PRKN: variants seen among roughly 807,000 people sequenced by gnomAD.
PRKN encodes E3 ubiquitin-protein ligase parkin.
Under a neutral mutation model 59.5 loss-of-function variants are expected in PRKN, and 56 were observed. The observed-to-expected ratio is 0.94, with a 90% CI of 0.76 to 1.18. PRKN has a LOEUF of 1.18. Among genes scored for constraint, PRKN ranks in the 50% most tolerant of loss-of-function variants. PRKN has a pLI of 0.00. For synonymous variants in PRKN, 250 were observed against 222.1 expected (o/e 1.13, Z -1.12); for missense variants, 657 against 596.4 (o/e 1.10, Z -1.06).
chr6:162,551,491 T>C (rs988468752), intron 1 of PRKN, among the ~76,000 whole-genome samples: 2 of 152,188 alleles, frequency 1.3e-5, no homozygotes, highest in Admixed American at 1.3e-4. Context: ...AAAAATAAAG[T>C]CTTGTTGCAG....
chr6:162,216,536 CAAAAAAAAAAAA>C (rs35025497), intron 3 of PRKN, among the ~76,000 whole-genome samples: 35 of 34,978 alleles, frequency 1.0e-3, no homozygotes, highest in East Asian at 5.7e-3. Flanking sequence ...GACTCCGTCT[CAAAAAAAAAAAA>C]AAAAAAAAAA....
intron 7 of PRKN, among the ~76,000 whole-genome samples, chr6:161,758,671 A>T (rs1456590179): frequency 6.6e-6 from 1 of 152,190 alleles, no homozygotes; most frequent in South Asian, 2.1e-4. Context: ...TAAAGCTGTT[A>T]AAAACAATAT....
intron 2 of PRKN, among the ~76,000 whole-genome samples, chr6:162,415,159 C>T (rs923696543): frequency 6.6e-6 from 1 of 152,122 alleles, no homozygotes; most frequent in East Asian, 1.9e-4. Flanking sequence ...GGCAACCCTG[C>T]GTAATAGACT....
chr6:161,724,988 C>T (rs942021410), intron 7 of PRKN, among the ~76,000 whole-genome samples: 4 of 152,174 alleles, frequency 2.6e-5, no homozygotes, highest in Admixed American at 6.5e-5. Flanking sequence ...ACCTCCCCTT[C>T]GCCCCACTGT....
At chr6:162,664,195 C>T (rs1159595206) in intron 1 of PRKN, among the ~76,000 whole-genome samples, 1 of 152,152 alleles carries the variant, frequency 6.6e-6, no homozygotes, top group Non-Finnish European at 1.5e-5. Flanking sequence ...CTTCCAGCTT[C>T]ATCCATGTCC....
rs144754041 is a variant in PRKN at position 162,196,527 on chromosome 6, T to C, written c.534+4604A>G. Reference sequence around the variant, plus strand: ...GAAAAGTGAATGCTTGCCAATTAGCTATTGTTCACCGTTTTCCAGTAAGCA... The same window carrying C: ...GAAAAGTGAATGCTTGCCAATTAGCCATTGTTCACCGTTTTCCAGTAAGCA... On this transcript the variant is annotated intron_variant, in intron 4 of 11. Coordinates refer to ENST00000366898, the MANE Select transcript of PRKN (RefSeq NM_004562.3). Among the ~76,000 whole-genome samples, 31 of 152,300 alleles carry C rather than the reference T, an allele frequency of 2.0e-4. 1 individual carries two copies. Among genetic ancestry groups the C allele is most frequent in the African/African-American group, 7.5e-4 (31 of 41,568 alleles).
chr6:162,275,659 C>A (rs1046350427), intron 2 of PRKN, among the ~76,000 whole-genome samples: 1 of 151,960 alleles, frequency 6.6e-6, no homozygotes, highest in Admixed American at 6.6e-5. Context: ...GTGGCGGATG[C>A]CTGCAATCCC....
chr6:161,969,359 A>C (rs543988779), intron 6 of PRKN, among the ~76,000 whole-genome samples: 141 of 151,078 alleles, frequency 9.3e-4, no homozygotes, highest in African/African-American at 3.3e-3. Flanking sequence ...CCAAGGGGGT[A>C]CCCGGAGAAA....
At chr6:162,475,943 G>A (rs917203965) in intron 1 of PRKN, among the ~76,000 whole-genome samples, 2 of 147,550 alleles carry the variant, frequency 1.4e-5, no homozygotes, top group Non-Finnish European at 1.5e-5. Context: ...GTAGAGACAG[G>A]GTTTCACCAT....
intron 3 of PRKN, among the ~76,000 whole-genome samples, chr6:162,239,093 A>G (rs1289127601): frequency 6.6e-6 from 1 of 152,152 alleles, no homozygotes; most frequent in Non-Finnish European, 1.5e-5. Flanking sequence ...AAATGCTTAA[A>G]TGTAATATTT....
chr6:161,980,705 C>A (rs1781227975), intron 5 of PRKN, among the ~76,000 whole-genome samples: 1 of 152,124 alleles, frequency 6.6e-6, no homozygotes, highest in Non-Finnish European at 1.5e-5. Flanking sequence ...GGAGAAATGC[C>A]CCTGGCTTCT....
At chr6:161,669,159 G>T (rs1294572389) in intron 7 of PRKN, among the ~76,000 whole-genome samples, 1 of 152,116 alleles carries the variant, frequency 6.6e-6, no homozygotes, top group Non-Finnish European at 1.5e-5. Flanking sequence ...TACAAACAAG[G>T]AAGTGGGCCC....
intron 3 of PRKN, among the ~76,000 whole-genome samples, chr6:162,253,912 G>A (rs1257489321): frequency 3.9e-5 from 6 of 152,034 alleles, no homozygotes; most frequent in Non-Finnish European, 7.4e-5. Flanking sequence ...CACTCACCAA[G>A]CTGTGACTTT....
intron 5 of PRKN, among the ~76,000 whole-genome samples, chr6:161,979,266 C>T (rs943433645): frequency 2.0e-5 from 3 of 151,938 alleles, no homozygotes; most frequent in Admixed American, 6.6e-5. Flanking sequence ...ATGCCATAAG[C>T]GTTTTCAACT....
intron 7 of PRKN, among the ~76,000 whole-genome samples, chr6:161,645,180 A>G (rs1288325071): frequency 3.3e-5 from 5 of 152,042 alleles, no homozygotes; most frequent in Non-Finnish European, 7.4e-5. Context: ...TGCAAAATAT[A>G]TGACTGATGA....
At chr6:161,655,866 GCACACACACACACACACATACACACACA>G (rs1453987894) in intron 7 of PRKN, among the ~76,000 whole-genome samples, 2 of 136,406 alleles carry the variant, frequency 1.5e-5, no homozygotes, top group African/African-American at 5.3e-5. Context: ...CAACACACAT[GCACACACACACACACACATACACACACA>G]CACACACACA....
chr6:162,452,784 T>A (rs1369409183), intron 1 of PRKN, among the ~76,000 whole-genome samples: 1 of 143,854 alleles, frequency 7.0e-6, no homozygotes, highest in Non-Finnish European at 1.5e-5. Context: ...AACACTCCAA[T>A]TAAAAGGCAG....
intron 7 of PRKN, among the ~76,000 whole-genome samples, chr6:161,754,955 G>A (rs1395095970): frequency 6.6e-6 from 1 of 152,152 alleles, no homozygotes; most frequent in South Asian, 2.1e-4. Context: ...TCCCCACTCA[G>A]GGGGAGAAAT....
chr6:162,627,967 A>G (rs1346848827), intron 1 of PRKN, among the ~76,000 whole-genome samples: 1 of 152,156 alleles, frequency 6.6e-6, no homozygotes, highest in African/African-American at 2.4e-5. Flanking sequence ...ACCACTCGGT[A>G]TCACTCGAGT....
Sources: gnomAD v4.1 joint callset for allele counts (sites outside exome capture counted in the v4.1 genomes callset) on GRCh38, gnomAD v4.1.1 for gene constraint, MANE v1.5 for transcripts, NCBI Gene and HGNC (gene_info 2026-07-23, HGNC 2026-07-21) for gene names.